The following LRRTM4 variants were observed in gnomAD, a reference collection of about 807,000 sequenced individuals.
LRRTM4 encodes the protein leucine-rich repeat transmembrane neuronal protein 4.
In LRRTM4, 25 loss-of-function variants were observed where a neutral mutation model predicts 47.6. The ratio of observed to expected loss-of-function variants is 0.53; its 90% CI spans 0.38 to 0.73. The LOEUF (loss-of-function observed/expected upper bound fraction) is 0.73. Among genes scored for constraint, LRRTM4 ranks in the 30% least tolerant of loss-of-function variants. The probability of loss-of-function intolerance (pLI) is 0.00; values close to 1 mark genes in which losing one functional copy is unlikely to be tolerated. For missense variants in LRRTM4, 638 were observed against 713.4 expected, an observed-to-expected ratio of 0.89 and a Z score of 1.20; for synonymous variants, 311 against 269.5, an observed-to-expected ratio of 1.15 and a Z score of -1.51.
intron 3 of LRRTM4, among the ~76,000 whole-genome samples, chr2:77,300,552 A>G (rs1677108534): frequency 6.6e-6 from 1 of 152,180 alleles, no homozygotes; most frequent in African/African-American, 2.4e-5. Flanking sequence ...AGAAAAAGTT[A>G]TAACAAGTAT....
chr2:77,052,573 G>GTA (rs1679474298), intron 3 of LRRTM4, among the ~76,000 whole-genome samples: 2 of 151,748 alleles, frequency 1.3e-5, no homozygotes, highest in African/African-American at 4.9e-5. Flanking sequence ...CTTTCAACTG[G>GTA]TATTTTTTTT....
Position 77,518,307 on chromosome 2 carries a change from A to G in LRRTM4, c.1551+11T>C, listed in dbSNP as rs1679306649. ...CAGTAGAAATGCTTTTAGGAGGATC[A>G]TGGTTCATACCTCACATTCCCTGGA... On this transcript the variant is annotated intron_variant, in intron 3 of 3. Transcript: ENST00000409884. 1.3e-6 allele frequency: 2 copies of G among 1,588,420 alleles called. No homozygotes were observed. Among genetic ancestry groups the G allele is most frequent in the South Asian group, 1.1e-5 (1 of 87,688 alleles).
At chr2:77,024,924 T>A (rs1678402533) in intron 3 of LRRTM4, among the ~76,000 whole-genome samples, 1 of 152,166 alleles carries the variant, frequency 6.6e-6, no homozygotes, top group South Asian at 2.1e-4. Flanking sequence ...TTTCAAAATA[T>A]TTCCAATAGT....
chr2:77,081,246 CAACACACA>C, intron 3 of LRRTM4, among the ~76,000 whole-genome samples: 1 of 76,588 alleles, frequency 1.3e-5, no homozygotes, highest in South Asian at 5.1e-4. Context: ...TACCTGACAG[CAACACACA>C]CACACACACA....
chr2:76,954,900 G>C (rs1382483739), intron 3 of LRRTM4, among the ~76,000 whole-genome samples: 1 of 151,580 alleles, frequency 6.6e-6, no homozygotes, highest in African/African-American at 2.4e-5. Context: ...GTATGATATA[G>C]TAAAAGTGCT....
chr2:77,486,988 T>C (rs150537135), intron 3 of LRRTM4, among the ~76,000 whole-genome samples: 76 of 152,366 alleles, frequency 5.0e-4, no homozygotes, highest in African/African-American at 1.8e-3. Context: ...ATTTAAATCA[T>C]ATCGAAAGAT....
chr2:77,397,147 T>C (rs1196396240), intron 3 of LRRTM4, among the ~76,000 whole-genome samples: 1 of 151,926 alleles, frequency 6.6e-6, no homozygotes, highest in African/African-American at 2.4e-5. Context: ...GCCTAGCTGA[T>C]TATCAAAACA....
intron 3 of LRRTM4, among the ~76,000 whole-genome samples, chr2:77,512,389 T>C (rs924139903): frequency 3.9e-5 from 6 of 152,132 alleles, no homozygotes; most frequent in Non-Finnish European, 7.4e-5. Flanking sequence ...CTGTAATTTC[T>C]TTTTCCTTTC....
intron 3 of LRRTM4, among the ~76,000 whole-genome samples, chr2:77,304,307 G>T (rs1333048588): frequency 6.6e-6 from 1 of 152,074 alleles, no homozygotes; most frequent in Non-Finnish European, 1.5e-5. Flanking sequence ...TTGACTTCTT[G>T]CTATTGAATT....
intron 3 of LRRTM4, among the ~76,000 whole-genome samples, chr2:77,084,778 C>A (rs1173403527): frequency 6.6e-6 from 1 of 152,120 alleles, no homozygotes. Flanking sequence ...AGACTGTACA[C>A]AGGGCTCTGC....
intron 3 of LRRTM4, among the ~76,000 whole-genome samples, chr2:76,788,069 C>T (rs1207718152): frequency 6.6e-6 from 1 of 152,072 alleles, no homozygotes; most frequent in African/African-American, 2.4e-5. Context: ...ACTGTTGTTA[C>T]TATTGTTGTT....
intron 3 of LRRTM4, among the ~76,000 whole-genome samples, chr2:76,897,072 A>G (rs543346347): frequency 4.6e-5 from 7 of 152,118 alleles, no homozygotes; most frequent in African/African-American, 1.7e-4. Flanking sequence ...AATTTCAGAA[A>G]GGAGATGATT....
chr2:77,460,303 G>A (rs1466790316), intron 3 of LRRTM4, among the ~76,000 whole-genome samples: 1 of 152,098 alleles, frequency 6.6e-6, no homozygotes, highest in African/African-American at 2.4e-5. Flanking sequence ...TTTATTATGT[G>A]TAGTGGGAGG....
chr2:77,416,612 T>G (rs2103871395), intron 3 of LRRTM4, among the ~76,000 whole-genome samples: 1 of 152,208 alleles, frequency 6.6e-6, no homozygotes, highest in East Asian at 1.9e-4. Context: ...ATTACTATTG[T>G]CAAAAGTTAT....
chr2:77,212,102 G>A (rs1450586660), intron 3 of LRRTM4, among the ~76,000 whole-genome samples: 1 of 151,806 alleles, frequency 6.6e-6, no homozygotes, highest in Non-Finnish European at 1.5e-5. Flanking sequence ...CATGGGATGT[G>A]GGAGACTACT....
At chr2:76,926,177 A>C (rs181958628) in intron 3 of LRRTM4, among the ~76,000 whole-genome samples, 1 of 152,270 alleles carries the variant, frequency 6.6e-6, no homozygotes, top group East Asian at 1.9e-4. Flanking sequence ...TTCAATATTT[A>C]AAGTGATTGA....
intron 3 of LRRTM4, among the ~76,000 whole-genome samples, chr2:77,292,228 A>T (rs1243289072): frequency 1.3e-5 from 2 of 150,102 alleles, no homozygotes; most frequent in Non-Finnish European, 3.0e-5. Flanking sequence ...GAGAAATAGG[A>T]ACACTTTTAC....
Position 76,979,541 on chromosome 2 carries a change from G to A in LRRTM4, c.1552-230625C>T, listed in dbSNP as rs1413169391. On this transcript the variant is annotated intron_variant, in intron 3 of 3. Transcript: ENST00000409884. ...ATTCAGACTGCAAAACTGAATTTCTGTATATATATATGCTCTTCCTCTATA... is the reference window on the plus strand; with the variant it reads ...ATTCAGACTGCAAAACTGAATTTCTATATATATATATGCTCTTCCTCTATA... 1.6e-4 allele frequency among the ~76,000 whole-genome samples: 20 copies of A among 126,950 alleles called. No individual in the cohort carries two copies. In the South Asian group the frequency reaches 2.2e-3, roughly 14 times the overall value. 83.3% of individuals were successfully genotyped at this position (126,950 alleles called of 152,430 possible).
At chr2:77,349,785 A>G (rs1034721184) in intron 3 of LRRTM4, among the ~76,000 whole-genome samples, 2 of 152,152 alleles carry the variant, frequency 1.3e-5, no homozygotes, top group Non-Finnish European at 2.9e-5. Context: ...ATATATGAAA[A>G]TGTTATGAAA....
Sources: allele counts gnomAD v4.1 joint callset (sites outside exome capture counted in the v4.1 genomes callset), GRCh38; gene constraint gnomAD v4.1.1; transcripts MANE v1.5; gene names NCBI Gene and HGNC (gene_info 2026-07-23, HGNC 2026-07-21).